GOLGA3: variants seen among roughly 807,000 people sequenced by gnomAD.
The protein encoded by GOLGA3 is golgin A3, also known as golgin subfamily A member 3.
Under a neutral mutation model 169.4 loss-of-function variants are expected in GOLGA3, and 75 were observed. The observed-to-expected ratio is 0.44, with a 90% CI of 0.37 to 0.54. The LOEUF (loss-of-function observed/expected upper bound fraction) is 0.54, where lower values mean the gene tolerates loss of function less well. GOLGA3 is among the 20% of genes least tolerant of loss of function. GOLGA3 has a pLI of 0.00. For synonymous variants in GOLGA3, 824 were observed against 822.4 expected (o/e 1.00, Z -0.03); for missense variants, 1,899 against 1,930.0 (o/e 0.98, Z 0.30).
chr12:132,814,127 C>T (rs79596879), intron 3 of GOLGA3, among the ~76,000 whole-genome samples: 5 of 150,434 alleles, frequency 3.3e-5, no homozygotes, highest in Non-Finnish European at 4.4e-5. Context: ...TGGGTTCAAG[C>T]GATTCTCCTG....
chr12:132,777,758 C>T lies in GOLGA3; in HGVS notation c.3630G>A (p.Lys1210=), dbSNP rs141416369. Residue 1210 remains lysine, a synonymous_variant, in exon 19 of 24, where the codon AAG becomes AAA. Transcript: ENST00000450791. The surrounding 1 kb of genome is among the most constrained non-coding windows in gnomAD (Gnocchi z 4.7). ...VEAGHNRRHF[K]AASLELSEVK... ...CCTCACTCAGCTCCAAGGAGGCCGC[C>T]TTGAAGTGGCGGCGGTTATGCCCGG... 9.9e-6 allele frequency: 16 copies of T among 1,614,084 alleles called. No individual in the cohort carries two copies. The Middle Eastern group carries it at 6.6e-4, about 67-fold the overall frequency.
At chr12:132,797,148 C>G (rs1948887071) in intron 9 of GOLGA3, among the ~76,000 whole-genome samples, 1 of 152,232 alleles carries the variant, frequency 6.6e-6, no homozygotes, top group African/African-American at 2.4e-5. Context: ...TTCAGTTCTT[C>G]TCTACTAAGC....
At chr12:132,807,657 G>A (rs1350883822) in intron 5 of GOLGA3, among the ~76,000 whole-genome samples, 2 of 152,198 alleles carry the variant, frequency 1.3e-5, no homozygotes, top group African/African-American at 2.4e-5. Context: ...ACTAAGGATA[G>A]AATCAGGAAG....
chr12:132,780,658 G>A lies in GOLGA3; in HGVS notation c.3582+140C>T, dbSNP rs571200697. 70 of 673,604 alleles carry A rather than the reference G, an allele frequency of 1.0e-4. 1 individual carries two copies. The Admixed American group carries it at 1.5e-3, about 14-fold the overall frequency. The allele number at this position is 673,604 out of a possible 1,614,324, so 41.7% of individuals were successfully genotyped here. Reference sequence around the variant, plus strand: ...TACGGACCAGAGCAGGTGCTCTGCGGCCTCCGTCACCAACAACTGCAACAC... The same window carrying A: ...TACGGACCAGAGCAGGTGCTCTGCGACCTCCGTCACCAACAACTGCAACAC... On this transcript the variant is annotated intron_variant, in intron 18 of 23. Coordinates refer to ENST00000450791, the MANE Select transcript of GOLGA3 (RefSeq NM_001389683.1).
intron 10 of GOLGA3, 132 bp from the exon 11 acceptor site, chr12:132,796,352 T>C: frequency 2.4e-6 from 3 of 1,245,992 alleles, no homozygotes; most frequent in South Asian, 1.5e-5. Flanking sequence ...AATCCTGGTA[T>C]AGAAGAACCA....
intron 8 of GOLGA3, 60 bp from the exon 9 acceptor site, chr12:132,798,537 A>G (rs1948982137): frequency 1.3e-6 from 2 of 1,523,652 alleles, no homozygotes; most frequent in Non-Finnish European, 1.8e-6. Flanking sequence ...AATGCAGACC[A>G]GCCTGTCCCT....
At position 132,805,157 on chromosome 12, in the gene GOLGA3, C is replaced by T. The variant is rs180776302; in HGVS notation, c.1291-135G>A. On this transcript the variant is annotated intron_variant, in intron 6 of 23. Coordinates refer to ENST00000450791, the MANE Select transcript of GOLGA3 (RefSeq NM_001389683.1). ...GAGACCCCCAGGCGCTCTCCCAAGG[C>T]CTGACAGAGGACCCCAAGACCCCCA... is the stretch of plus-strand genomic sequence containing the variant. The T allele has an allele frequency of 6.3e-6, 6 of 959,526 alleles. No homozygotes were observed. The Admixed American group carries it at 1.1e-4, about 17-fold the overall frequency. The allele number at this position is 959,526 out of a possible 1,614,324, so 59.4% of individuals were successfully genotyped here. A position where few individuals can be genotyped will look rare whatever the true frequency, so the allele number is the denominator to read the frequency against.
At chr12:132,775,370 T>C (rs2045169570) in intron 21 of GOLGA3, 65 bp from the exon 22 acceptor site, 1 of 1,437,562 alleles carries the variant, frequency 7.0e-7, no homozygotes, top group East Asian at 2.3e-5. Context: ...AAGATCCGAG[T>C]TTGTATTTTC....
At chr12:132,788,081 T>C (rs1301265663) in intron 13 of GOLGA3, among the ~76,000 whole-genome samples, 1 of 151,944 alleles carries the variant, frequency 6.6e-6, no homozygotes, top group Admixed American at 6.5e-5. Context: ...CTGCCCGCAC[T>C]GCTGAGTCCT....
intron 6 of GOLGA3, among the ~76,000 whole-genome samples, chr12:132,806,756 G>A (rs1165866351): frequency 6.6e-6 from 1 of 152,212 alleles, no homozygotes; most frequent in Non-Finnish European, 1.5e-5. Context: ...AATAAGGGAT[G>A]GAAAATGATG....
At chr12:132,819,346 G>A (rs929108118) in intron 2 of GOLGA3, among the ~76,000 whole-genome samples, 7 of 151,860 alleles carry the variant, frequency 4.6e-5, no homozygotes, top group South Asian at 2.1e-4. Context: ...TGGCTAACAC[G>A]GCGAAACCCC....
chr12:132,808,204 G>C lies in GOLGA3; in HGVS notation c.865C>G (p.Leu289Val), dbSNP rs377654877. The C allele has an allele frequency of 7.4e-6, 12 of 1,613,634 alleles. No homozygotes were observed. Among genetic ancestry groups the C allele is most frequent in the Non-Finnish European group, 1.0e-5 (12 of 1,179,762 alleles). ...AGACGGTCGTCAGTGTCGGGGGACAGGCTGATCTCAGACACAACGGACGCC... is the reference window on the plus strand; with the variant it reads ...AGACGGTCGTCAGTGTCGGGGGACACGCTGATCTCAGACACAACGGACGCC... Reference protein sequence around the residue: ...SAASVVSEISLSPDTDDRLEN... With the variant: ...SAASVVSEISVSPDTDDRLEN... The change falls in exon 5 of 24, where the codon CTG (leucine) becomes GTG (valine). Residue 289 changes from leucine (L) to valine (V), a missense_variant. Physicochemically the swap from Leu to Val is conservative, Grantham distance 32. Coordinates refer to ENST00000450791, the MANE Select transcript of GOLGA3 (RefSeq NM_001389683.1).
Position 132,798,331 on chromosome 12 carries a change from C to T in GOLGA3, c.1938+9G>A. 1 of 1,599,024 alleles carries T rather than the reference C, an allele frequency of 6.3e-7. No individual in the cohort carries two copies. The highest frequency in any genetic ancestry group is 8.5e-7 in the Non-Finnish European group (1 of 1,175,896). ...TCCTAAGCTTCCACGGCCCCGGCCG[C>T]AGCCTCACCTCAATGCCCTGCAGCT... On this transcript the variant is annotated intron_variant, in intron 9 of 23. Transcript: ENST00000450791.
In GOLGA3 at chr12:132,777,019, A is replaced by T; in HGVS notation, c.3794T>A (p.Leu1265His). 6.2e-7 allele frequency: 1 copy of T among 1,611,764 alleles called. No individual in the cohort carries two copies. Among genetic ancestry groups the T allele is most frequent in the Non-Finnish European group, 8.5e-7 (1 of 1,179,096 alleles). The change falls in exon 20 of 24, where the codon CTC becomes CAC. Residue 1265 changes from leucine to histidine, a missense_variant. Coordinates refer to ENST00000450791, the MANE Select transcript of GOLGA3 (RefSeq NM_001389683.1). This position sits in a 1 kb window ranked among gnomAD's most constrained non-coding sequence, Gnocchi z 4.7. ...QAELAEARAQ[L>H]QLLQKQLDEQ... ...GTCCAGCTGCTTCTGCAGGAGCTGGAGCTGTGCCCGGGCCTCGGCCAGCTC... is the reference window on the plus strand; with the variant it reads ...GTCCAGCTGCTTCTGCAGGAGCTGGTGCTGTGCCCGGGCCTCGGCCAGCTC...
At chr12:132,775,408 C>T (rs1296252848) in intron 21 of GOLGA3, 103 bp from the exon 22 acceptor site, 9 of 1,002,054 alleles carry the variant, frequency 9.0e-6, no homozygotes, top group East Asian at 2.5e-5. Context: ...ATGTCCTCCT[C>T]GGCGCCATCT....
intron 16 of GOLGA3, 37 bp downstream of exon 16, chr12:132,784,126 GC>G: frequency 1.2e-6 from 2 of 1,601,388 alleles, no homozygotes; most frequent in Non-Finnish European, 8.5e-7. Flanking sequence ...CACGTGACCT[GC>G]CCCACGCTGC....
At position 132,789,314 on chromosome 12, in the gene GOLGA3, C is replaced by T. The variant is rs367872815; in HGVS notation, c.2548-24G>A. On this transcript the variant is annotated intron_variant, in intron 12 of 23. Coordinates refer to ENST00000450791, the MANE Select transcript of GOLGA3 (RefSeq NM_001389683.1). Reference sequence around the variant, plus strand: ...ACCTGCCAAAGACAGAGGCTGTGAGCGGACGCTGGGCGGCGGGGCGTGGGG... The same window carrying T: ...ACCTGCCAAAGACAGAGGCTGTGAGTGGACGCTGGGCGGCGGGGCGTGGGG... The T allele has an allele frequency of 2.5e-4, 395 of 1,549,518 alleles. No homozygotes were observed. In the African/African-American group the frequency reaches 4.6e-3, roughly 18 times the overall value.
intron 4 of GOLGA3, among the ~76,000 whole-genome samples, chr12:132,811,504 A>C (rs1307445735): frequency 1.3e-5 from 2 of 151,086 alleles, no homozygotes; most frequent in Admixed American, 1.3e-4. Context: ...AGATGGACCC[A>C]GGCTGGAGTG....
chr12:132,778,974 C>G (rs1270251068), intron 18 of GOLGA3, among the ~76,000 whole-genome samples: 1 of 151,696 alleles, frequency 6.6e-6, no homozygotes, highest in Non-Finnish European at 1.5e-5. Flanking sequence ...TGTGAGCCAG[C>G]CTGAACCACG....
Sources: allele counts gnomAD v4.1 joint callset (sites outside exome capture counted in the v4.1 genomes callset), GRCh38; gene constraint gnomAD v4.1.1; non-coding constraint Gnocchi (gnomAD v3.1); transcripts MANE v1.5; gene names NCBI Gene and HGNC (gene_info 2026-07-23, HGNC 2026-07-21).